The following DDX41 variants were observed in gnomAD, a reference collection of about 807,000 sequenced individuals.
DDX41 encodes probable ATP-dependent RNA helicase DDX41.
DDX41 carries 50 observed loss-of-function variants against 78.8 expected under a neutral mutation model. The observed-to-expected ratio is 0.63, with a 90% CI of 0.51 to 0.80. DDX41 has a LOEUF of 0.80. Ranked by LOEUF, DDX41 falls within the 30% of genes least tolerant of loss-of-function variation. The probability of loss-of-function intolerance (pLI) is 0.00; values close to 1 mark genes in which losing one functional copy is unlikely to be tolerated. For synonymous variants in DDX41, 381 were observed against 321.5 expected, an observed-to-expected ratio of 1.19 and a Z score of -1.98; for missense variants, 633 against 849.2, an observed-to-expected ratio of 0.75 and a Z score of 3.16.
rs933348037 is a variant in DDX41 at position 177,514,189 on chromosome 5, A to C, written c.936-342T>G. On this transcript the variant is annotated intron_variant, in intron 9 of 16. Coordinates refer to ENST00000330503, the MANE Select transcript of DDX41 (RefSeq NM_016222.4). The surrounding 1 kb of genome is among the most constrained non-coding windows in gnomAD (Gnocchi z 4.2). ...TGTGCTCACCATCTCCCTAATACTCAGAAGTCCGTGGAGGAAGGCCTCCGG... is the reference window on the plus strand; with the variant it reads ...TGTGCTCACCATCTCCCTAATACTCCGAAGTCCGTGGAGGAAGGCCTCCGG... The C allele has an allele frequency of 3.9e-6, 2 of 514,546 alleles. No individual in the cohort carries two copies. Among genetic ancestry groups the C allele is most frequent in the Non-Finnish European group, 3.8e-6 (1 of 265,698 alleles). The allele number at this position is 514,546 out of a possible 1,614,324, so 31.9% of individuals were successfully genotyped here.
rs778575920 is a variant in DDX41 at position 177,512,810 on chromosome 5, C to G, written c.1369G>C (p.Val457Leu). The G allele has an allele frequency of 6.2e-7, 1 of 1,614,020 alleles. No individual in the cohort carries two copies. The highest frequency in any genetic ancestry group is 1.3e-5 in the African/African-American group (1 of 74,922). ...AIHEYLLLKG[V>L]EAVAIHGGKD... The stretch of plus-strand genomic sequence containing the variant: ...CCCCCATGGATGGCTACGGCCTCAA[C>G]CCCCTTGAGCAGCAGGTACTCGTGG... Residue 457 changes from valine to leucine, a missense_variant, in exon 13 of 17, where the codon GTT becomes CTT. By Grantham distance (32) the Val-to-Leu change is conservative (BLOSUM62 1). Coordinates refer to ENST00000330503, the MANE Select transcript of DDX41 (RefSeq NM_016222.4).
Position 177,514,808 on chromosome 5 carries a change from G to T in DDX41, c.828C>A (p.Ile276=). ...GCAGCAGGCGGCAGTAGTACTCCAG[G>T]ATGCCATGGGTCTGCCGGGCCAGCT... ...SRELARQTHG[I]LEYYCRLLQE... Residue 276 remains isoleucine, a synonymous_variant, in exon 9 of 17, where the codon ATC becomes ATA. Transcript: ENST00000330503. The surrounding 1 kb of genome is among the most constrained non-coding windows in gnomAD (Gnocchi z 4.2). 6.2e-7 allele frequency: 1 copy of T among 1,612,680 alleles called. No homozygotes were observed. Among genetic ancestry groups the T allele is most frequent in the African/African-American group, 1.3e-5 (1 of 75,044 alleles).
At chr5:177,516,894 G>T in intron 1 of DDX41, 25 bp downstream of exon 1, 6 of 1,613,260 alleles carry the variant, frequency 3.7e-6, no homozygotes, top group East Asian at 4.5e-5. Flanking sequence ...GCTCCCACAC[G>T]CGCGGGGTCT....
At chr5:177,516,537 G>A (rs760978517) in intron 2 of DDX41, 90 bp from the exon 3 acceptor site, 2 of 1,533,216 alleles carry the variant, frequency 1.3e-6, no homozygotes, top group East Asian at 2.3e-5. Context: ...AGGATCCTGT[G>A]CCCGAGGCGC....
chr5:177,516,056 C>G (rs1162275017), intron 4 of DDX41, 63 bp downstream of exon 4: 2 of 1,613,882 alleles, frequency 1.2e-6, no homozygotes, highest in African/African-American at 2.7e-5. Flanking sequence ...TGAGATATAA[C>G]ATGCCTGGGG....
chr5:177,514,399 A>T lies in DDX41; in HGVS notation c.935+302T>A. ...CTGGGCCGTCCGCCTCTGTGCTTTCAGCCTGGACTGCCCCTCTTCCCAATT... is the reference window on the plus strand; with the variant it reads ...CTGGGCCGTCCGCCTCTGTGCTTTCTGCCTGGACTGCCCCTCTTCCCAATT... On this transcript the variant is annotated intron_variant, in intron 9 of 16. Coordinates refer to ENST00000330503, the MANE Select transcript of DDX41 (RefSeq NM_016222.4). This position sits in a 1 kb window ranked among gnomAD's most constrained non-coding sequence, Gnocchi z 4.2. The T allele has an allele frequency of 2.0e-6, 1 of 498,662 alleles. No homozygotes were observed. The allele number at this position is 498,662 out of a possible 1,614,324, so 30.9% of individuals were successfully genotyped here.
intron 4 of DDX41, 36 bp downstream of exon 4, chr5:177,516,083 C>G (rs1205459972): frequency 6.2e-7 from 1 of 1,613,542 alleles, no homozygotes; most frequent in South Asian, 1.1e-5. Flanking sequence ...GGAGAAGACT[C>G]AGTCCACCTT....
chr5:177,512,774 C>G lies in DDX41; in HGVS notation c.1399+6G>C, dbSNP rs1382939705. 6.2e-7 allele frequency: 1 copy of G among 1,613,954 alleles called. No individual in the cohort carries two copies. Among genetic ancestry groups the G allele is most frequent in the Non-Finnish European group, 8.5e-7 (1 of 1,180,010 alleles). On this transcript the variant is annotated splice_donor_region_variant and intron_variant, in intron 13 of 16. Coordinates refer to ENST00000330503, the MANE Select transcript of DDX41 (RefSeq NM_016222.4). ...GGGTCCAAGCCAGTGCTTGCACCAC[C>G]CTGACCTTTGCCCCCATGGATGGCT...
chr5:177,515,852 C>T (rs1489885686), intron 5 of DDX41, 31 bp from the exon 6 acceptor site: 2 of 1,614,016 alleles, frequency 1.2e-6, no homozygotes, highest in Non-Finnish European at 1.7e-6. Flanking sequence ...TCAAGAGAGC[C>T]CTGGGAATAG....
In DDX41 at chr5:177,514,758, C is replaced by T. The variant is rs773162771; in HGVS notation, c.878G>A (p.Arg293His). The change falls in exon 9 of 17, where the codon CGC becomes CAC. Residue 293 changes from arginine to histidine, a missense_variant. This residue lies in a region of DDX41 where 151 missense variants were observed against 169.2 expected (regional missense o/e 0.89). Transcript: ENST00000330503. The surrounding 1 kb of genome is among the most constrained non-coding windows in gnomAD (Gnocchi z 4.2). ...LLQEDSSPLL[R>H]CALCIGGMSV... ...CATGCCCCCAATGCAGAGGGCGCAG[C>T]GCAGGAGTGGTGAGCTGTCCTCCTG... is the stretch of plus-strand genomic sequence containing the variant. The T allele has an allele frequency of 7.4e-6, 12 of 1,612,874 alleles. No individual in the cohort carries two copies. Among genetic ancestry groups the T allele is most frequent in the African/African-American group, 1.3e-5 (1 of 75,060 alleles).
Position 177,514,068 on chromosome 5 carries a change from T to G in DDX41, c.936-221A>C. 1 of 678,276 alleles carries G rather than the reference T, an allele frequency of 1.5e-6. No homozygotes were observed. The allele number at this position is 678,276 out of a possible 1,614,324, so 42.0% of individuals were successfully genotyped here. Reference sequence around the variant, plus strand: ...CGCTCGGCCTGGCGCGCCTTCCCCCTTCTCCTGGGTCAGCCTCTCACCCAG... The same window carrying G: ...CGCTCGGCCTGGCGCGCCTTCCCCCGTCTCCTGGGTCAGCCTCTCACCCAG... On this transcript the variant is annotated intron_variant, in intron 9 of 16. Transcript: ENST00000330503. The surrounding 1 kb of genome is among the most constrained non-coding windows in gnomAD (Gnocchi z 4.2).
chr5:177,515,238 T>A lies in DDX41; in HGVS notation c.592A>T (p.Lys198Ter). ...GGTGTTGGGTGGTGAATGCCTTTCT[T>A]CTTCAGGCCTCTCAGGATGGCTATG... Reference protein sequence around the residue: ...FPAAILRGLKKKGIHHPTPIQ... With the variant: ...FPAAILRGLK The change falls in exon 7 of 17, where the codon AAG (lysine) becomes TAG (stop). Residue 198 changes from lysine (K) to a stop codon, truncating the protein, a stop_gained. Coordinates refer to ENST00000330503, the MANE Select transcript of DDX41 (RefSeq NM_016222.4). LOFTEE classifies it high-confidence loss of function. The A allele has an allele frequency of 6.2e-7, 1 of 1,613,962 alleles. No homozygotes were observed. Among genetic ancestry groups the A allele is most frequent in the Non-Finnish European group, 8.5e-7 (1 of 1,180,016 alleles).
chr5:177,512,906 G>T, intron 12 of DDX41, 30 bp from the exon 13 acceptor site: 1 of 1,609,102 alleles, frequency 6.2e-7, no homozygotes, highest in Non-Finnish European at 8.5e-7. Flanking sequence ...CCAGTCAGGG[G>T]CTAACTGCCT....
chr5:177,511,805 A>C lies in DDX41; in HGVS notation c.1855T>G (p.Ser619Ala). ...IGRKDYLAHS[S>A]MDF is the part of the protein sequence containing the mutation. ...AGACTGTCGGCTCAGAAGTCCATGG[A>C]GCTGTGGGCCAGGTAGTCCTTGCGA... The change falls in exon 17 of 17, where the codon TCC (serine) becomes GCC (alanine). Residue 619 changes from serine to alanine, a missense_variant. Coordinates refer to ENST00000330503, the MANE Select transcript of DDX41 (RefSeq NM_016222.4). 1 of 1,614,092 alleles carries C rather than the reference A, an allele frequency of 6.2e-7. No homozygotes were observed. The highest frequency in any genetic ancestry group is 8.5e-7 in the Non-Finnish European group (1 of 1,180,002).
At position 177,516,042 on chromosome 5, in the gene DDX41, C is replaced by A. The variant is rs182917817; in HGVS notation, c.374-53G>T. The A allele has an allele frequency of 8.4e-5, 135 of 1,614,038 alleles. No homozygotes were observed. The African/African-American group carries it at 1.7e-3, about 20-fold the overall frequency. On this transcript the variant is annotated intron_variant, in intron 4 of 16. Coordinates refer to ENST00000330503, the MANE Select transcript of DDX41 (RefSeq NM_016222.4). ...GGCTCCTGCTTCTGAGAAGCCAGAT[C>A]CCTTGAGATATAACATGCCTGGGGC...
chr5:177,514,272 CAG>C lies in DDX41; in HGVS notation c.935+427_936-426del, dbSNP rs1249707760. On this transcript the variant is annotated intron_variant, in intron 9 of 16. Transcript: ENST00000330503. This position sits in a 1 kb window ranked among gnomAD's most constrained non-coding sequence, Gnocchi z 4.2. ...CTGGTCCAGGGCCTCTGGTGGTCTG[CAG>C]AGGACTGCACAGCACTGAAAGGACA... 2.5e-5 allele frequency: 12 copies of C among 489,454 alleles called. No individual in the cohort carries two copies. Among genetic ancestry groups the C allele is most frequent in the Non-Finnish European group, 4.8e-5 (12 of 249,868 alleles). The allele number at this position is 489,454 out of a possible 1,614,324, so 30.3% of individuals were successfully genotyped here. A position where few individuals can be genotyped will look rare whatever the true frequency, so the allele number is the denominator to read the frequency against.
rs1312014007 is a variant in DDX41 at position 177,513,626 on chromosome 5, T to C, written c.1098+59A>G. On this transcript the variant is annotated intron_variant, in intron 10 of 16. Coordinates refer to ENST00000330503, the MANE Select transcript of DDX41 (RefSeq NM_016222.4). The surrounding 1 kb of genome is among the most constrained non-coding windows in gnomAD (Gnocchi z 4.6). ...GGCCAGGGGCATGGGGTCCCTGCAGTCTGATGTGGCGTGCAGTGGGGGGCG... is the reference window on the plus strand; with the variant it reads ...GGCCAGGGGCATGGGGTCCCTGCAGCCTGATGTGGCGTGCAGTGGGGGGCG... The C allele has an allele frequency of 1.9e-6, 3 of 1,605,598 alleles. No homozygotes were observed. Among genetic ancestry groups the C allele is most frequent in the Non-Finnish European group, 2.6e-6 (3 of 1,174,094 alleles).
chr5:177,515,420 C>T (rs1761181684), intron 6 of DDX41, 162 bp from the exon 7 acceptor site: 2 of 924,044 alleles, frequency 2.2e-6, no homozygotes, highest in Non-Finnish European at 1.7e-6. Context: ...AGAGACTTGT[C>T]CAAGGCCCAC....
chr5:177,513,897 A>T lies in DDX41; in HGVS notation c.936-50T>A. On this transcript the variant is annotated intron_variant, in intron 9 of 16. Transcript: ENST00000330503. This position sits in a 1 kb window ranked among gnomAD's most constrained non-coding sequence, Gnocchi z 4.6. The stretch of plus-strand genomic sequence containing the variant: ...GGTTGGGGCCACTGGCCTATCACCT[A>T]TCTAGAGGCAAGCAGGCACCCTGCA... The T allele has an allele frequency of 6.3e-7, 1 of 1,589,638 alleles. No homozygotes were observed.
Sources: gnomAD v4.1 joint callset for allele counts on GRCh38, gnomAD v4.1.1 for gene constraint, gnomAD v4.1.1 regional missense constraint, Gnocchi (gnomAD v3.1) non-coding constraint, MANE v1.5 for transcripts, NCBI Gene and HGNC (gene_info 2026-07-23, HGNC 2026-07-21) for gene names.